Variants in CCDC148 observed in about 807,000 individuals in gnomAD.
CCDC148 encodes the protein coiled-coil domain containing 148.
In CCDC148, 89 loss-of-function variants were observed where a neutral mutation model predicts 85.7. The ratio of observed to expected loss-of-function variants is 1.04; its 90% confidence interval spans 0.87 to 1.24. The LOEUF (loss-of-function observed/expected upper bound fraction) is 1.24. CCDC148 is among the 50% of genes most tolerant of loss of function. The pLI is 0.00. For synonymous variants in CCDC148, 230 were observed against 213.9 expected, an observed-to-expected ratio of 1.08 and a Z score of -0.66; for missense variants, 692 against 671.7, an observed-to-expected ratio of 1.03 and a Z score of -0.33.
rs1688748982 is a variant in CCDC148 at position 158,456,480 on chromosome 2, G to T, written c.-41C>A. Reference sequence around the variant, plus strand: ...GCATAGCCTCAGGGACTCCCCAAACGCAGGAAAAGTGAAACGCCCACTCCT... The same window carrying T: ...GCATAGCCTCAGGGACTCCCCAAACTCAGGAAAAGTGAAACGCCCACTCCT... On this transcript the variant is annotated 5_prime_UTR_variant, in exon 1 of 14. Coordinates refer to ENST00000283233, the MANE Select transcript of CCDC148 (RefSeq NM_138803.4). The T allele has an allele frequency of 6.2e-7, 1 of 1,601,816 alleles. No individual in the cohort carries two copies. The highest frequency in any genetic ancestry group is 1.7e-4 in the Middle Eastern group (1 of 6,044).
chr2:158,404,322 A>G (rs772115693), intron 1 of CCDC148, among the ~76,000 whole-genome samples: 1 of 152,118 alleles, frequency 6.6e-6, no homozygotes, highest in Non-Finnish European at 1.5e-5. Context: ...ACTGGGAGCA[A>G]GGTTCTAATG....
At chr2:158,450,252 C>T (rs577965013) in intron 1 of CCDC148, among the ~76,000 whole-genome samples, 1 of 152,306 alleles carries the variant, frequency 6.6e-6, no homozygotes, top group African/African-American at 2.4e-5. Context: ...ACGAAGCAGA[C>T]AAAGAGCTCT....
At chr2:158,334,119 G>C (rs1478469217) in intron 7 of CCDC148, among the ~76,000 whole-genome samples, 2 of 152,096 alleles carry the variant, frequency 1.3e-5, no homozygotes, top group Non-Finnish European at 2.9e-5. Flanking sequence ...CAAAAGTGTG[G>C]AGTGCCTCCT....
intron 9 of CCDC148, among the ~76,000 whole-genome samples, chr2:158,280,251 C>G (rs6437162): frequency 0.84 from 127,274 of 152,060 alleles, 54,309 homozygotes; most frequent in East Asian, 0.98. Context: ...ACATCATAAT[C>G]ACAGGTTCAA....
chr2:158,414,312 A>T (rs1161089993), intron 1 of CCDC148, among the ~76,000 whole-genome samples: 1 of 152,206 alleles, frequency 6.6e-6, no homozygotes, highest in Non-Finnish European at 1.5e-5. Flanking sequence ...CTGTTTTACT[A>T]AAAAAGGTTT....
chr2:158,331,473 T>A (rs542005548), intron 7 of CCDC148, among the ~76,000 whole-genome samples: 43 of 152,350 alleles, frequency 2.8e-4, no homozygotes, highest in African/African-American at 9.9e-4. Context: ...CTGAGAAGAA[T>A]GTATATTCTG....
chr2:158,227,061 C>T (rs13004361), intron 10 of CCDC148, among the ~76,000 whole-genome samples: 30,050 of 151,662 alleles, frequency 0.2, 3,634 homozygotes, highest in Middle Eastern at 0.3. Flanking sequence ...AAAACCCCAT[C>T]GTCTCAGCCC....
chr2:158,351,441 G>A (rs573818379), intron 2 of CCDC148, among the ~76,000 whole-genome samples: 5,211 of 140,816 alleles, frequency 0.037, 143 homozygotes, highest in Non-Finnish European at 0.052. Flanking sequence ...AGGGGTCAGG[G>A]AGTTCCCTTT....
At chr2:158,343,839 AT>A (rs745702620) in intron 3 of CCDC148, among the ~76,000 whole-genome samples, 5 of 152,188 alleles carry the variant, frequency 3.3e-5, no homozygotes, top group Non-Finnish European at 5.9e-5. Flanking sequence ...TTATCCTGGA[AT>A]TCTTCATTTT....
chr2:158,376,591 T>C (rs940931013), intron 1 of CCDC148, among the ~76,000 whole-genome samples: 1 of 152,090 alleles, frequency 6.6e-6, no homozygotes, highest in African/African-American at 2.4e-5. Flanking sequence ...CATTTTGTAT[T>C]ATTGCCAGTT....
chr2:158,393,850 A>G (rs2602205), intron 1 of CCDC148, among the ~76,000 whole-genome samples: 108,230 of 152,006 alleles, frequency 0.71, 38,714 homozygotes, highest in South Asian at 0.88. Flanking sequence ...GTATCACAAA[A>G]AATAGAACAG....
rs1688304106 is a variant in CCDC148 at position 158,449,496 on chromosome 2, G to A, written c.25+6919C>T. 2.0e-5 allele frequency among the ~76,000 whole-genome samples: 3 copies of A among 151,158 alleles called. No homozygotes were observed. The South Asian group carries it at 6.3e-4, about 32-fold the overall frequency. The stretch of plus-strand genomic sequence containing the variant: ...ACAGTCTCGCTCTGTCGCCCAGGCT[G>A]GAGTGCAGTGGTAGGATCTCGGCTC... On this transcript the variant is annotated intron_variant, in intron 1 of 13. Transcript: ENST00000283233.
At chr2:158,295,669 C>T (rs1691149818) in intron 9 of CCDC148, among the ~76,000 whole-genome samples, 1 of 137,682 alleles carries the variant, frequency 7.3e-6, no homozygotes. Flanking sequence ...TGACAAAATT[C>T]AACAATGCTT....
At chr2:158,390,148 T>G (rs184076528) in intron 1 of CCDC148, among the ~76,000 whole-genome samples, 2 of 152,234 alleles carry the variant, frequency 1.3e-5, no homozygotes, top group East Asian at 3.9e-4. Flanking sequence ...TGAAAACCAT[T>G]TGAAAGTACA....
At chr2:158,177,347 C>T (rs917217356) in intron 12 of CCDC148, among the ~76,000 whole-genome samples, 2 of 152,016 alleles carry the variant, frequency 1.3e-5, no homozygotes, top group East Asian at 3.9e-4. Flanking sequence ...TAACACCTGC[C>T]TATTAATTCT....
At chr2:158,287,257 A>G (rs1188730368) in intron 9 of CCDC148, among the ~76,000 whole-genome samples, 1 of 152,150 alleles carries the variant, frequency 6.6e-6, no homozygotes, top group Admixed American at 6.5e-5. Flanking sequence ...GCCATACCAT[A>G]TCATTCCACC....
intron 1 of CCDC148, among the ~76,000 whole-genome samples, chr2:158,429,948 G>A (rs533832879): frequency 6.6e-6 from 1 of 152,306 alleles, no homozygotes; most frequent in South Asian, 2.1e-4. Context: ...AGCAGTCAGG[G>A]AAGTGAAGGC....
intron 2 of CCDC148, among the ~76,000 whole-genome samples, chr2:158,358,218 A>T (rs1214105937): frequency 2.0e-5 from 3 of 152,162 alleles, no homozygotes; most frequent in Non-Finnish European, 4.4e-5. Flanking sequence ...TTGAATTCAG[A>T]CCTGAAAGAG....
chr2:158,391,916 T>G (rs1028806441), intron 1 of CCDC148, among the ~76,000 whole-genome samples: 1 of 152,006 alleles, frequency 6.6e-6, no homozygotes, highest in African/African-American at 2.4e-5. Context: ...TGGAGGAGGA[T>G]CTGAAAAAGA....
Sources: gnomAD v4.1 joint callset for allele counts (sites outside exome capture counted in the v4.1 genomes callset) on GRCh38, gnomAD v4.1.1 for gene constraint, MANE v1.5 for transcripts, NCBI Gene and HGNC (gene_info 2026-07-23, HGNC 2026-07-21) for gene names.